PGGT1B: variants seen among roughly 807,000 people sequenced by gnomAD.
The protein encoded by PGGT1B is geranylgeranyl transferase type-1 subunit beta.
PGGT1B carries 30 observed loss-of-function variants against 46.1 expected under a neutral mutation model. That is an observed-to-expected ratio of 0.65 (90% CI 0.49 to 0.88). The LOEUF is 0.88. Ranked by LOEUF, PGGT1B falls within the 40% of genes least tolerant of loss-of-function variation. The pLI is 0.00. For synonymous variants in PGGT1B, 170 were observed against 160.0 expected, an observed-to-expected ratio of 1.06 and a Z score of -0.47; for missense variants, 376 against 455.9, an observed-to-expected ratio of 0.82 and a Z score of 1.60.
At chr5:115,262,213 A>G (rs1456303941) in intron 1 of PGGT1B, among the ~76,000 whole-genome samples, 1 of 151,966 alleles carries the variant, frequency 6.6e-6, no homozygotes, top group Non-Finnish European at 1.5e-5. Flanking sequence ...GCAACACCAC[A>G]CCTCTTTCGC....
chr5:115,262,870 T>G lies in PGGT1B; in HGVS notation c.-19A>C. On this transcript the variant is annotated 5_prime_UTR_variant, in exon 1 of 9. Transcript: ENST00000419445. ...CCGCCATGCTGCTCCGGAAGCGACG[T>G]CCGCCGCGACCCGGAATCAGTGCCC... The G allele has an allele frequency of 2.5e-6, 4 of 1,611,030 alleles. No individual in the cohort carries two copies. Among genetic ancestry groups the G allele is most frequent in the South Asian group, 1.1e-5 (1 of 90,950 alleles).
At position 115,204,329 on chromosome 5, in the gene PGGT1B, C is replaced by A. The variant is rs1756000242; in HGVS notation, c.*8073G>T. The A allele has an allele frequency of 6.6e-6, 1 of 152,156 alleles. No homozygotes were observed. Among genetic ancestry groups the A allele is most frequent in the Non-Finnish European group, 1.5e-5 (1 of 68,030 alleles). 9.4% of individuals were successfully genotyped at this position (152,156 alleles called of 1,614,324 possible). A position where few individuals can be genotyped will look rare whatever the true frequency, so the allele number is the denominator to read the frequency against. On this transcript the variant is annotated 3_prime_UTR_variant, in exon 9 of 9. Transcript: ENST00000419445. The stretch of plus-strand genomic sequence containing the variant: ...GAGGTCTAAGGTACCGCCAGAGAAT[C>A]TGCACTTTCTAACGAGTACCCAGGT...
At chr5:115,230,518 C>A (rs979189458) in intron 6 of PGGT1B, among the ~76,000 whole-genome samples, 1 of 152,088 alleles carries the variant, frequency 6.6e-6, no homozygotes, top group Non-Finnish European at 1.5e-5. Flanking sequence ...AATGTTTGCA[C>A]TGAATATAAG....
At chr5:115,243,357 T>G (rs957759459) in intron 2 of PGGT1B, among the ~76,000 whole-genome samples, 1 of 152,206 alleles carries the variant, frequency 6.6e-6, no homozygotes, top group Non-Finnish European at 1.5e-5. Context: ...AAAGAAACGC[T>G]ATATTCCTAT....
rs1299602640 is a variant in PGGT1B at position 115,244,466 on chromosome 5, CAAAAAAAAAAAA to C, written c.260-2872_260-2861del. On this transcript the variant is annotated intron_variant, in intron 2 of 8. Transcript: ENST00000419445. ...GGCAACAGAGCGAGACTCTGTCTCA[CAAAAAAAAAAAA>C]AAAAAAAAAAAAAGGATTCTACCTA... 2.2e-4 allele frequency among the ~76,000 whole-genome samples: 7 copies of C among 31,196 alleles called. 1 individual carries two copies. The highest frequency in any genetic ancestry group is 6.2e-4 in the Admixed American group (1 of 1,622). 20.5% of individuals were successfully genotyped at this position (31,196 alleles called of 152,430 possible).
Position 115,250,249 on chromosome 5 carries a change from T to A in PGGT1B, c.259+2888A>T, listed in dbSNP as rs183952766. Among the ~76,000 whole-genome samples, 538 of 152,276 alleles carry A rather than the reference T, an allele frequency of 3.5e-3. 4 individuals carry two copies. Among genetic ancestry groups the A allele is most frequent in the Non-Finnish European group, 6.4e-3 (435 of 68,010 alleles). On this transcript the variant is annotated intron_variant, in intron 2 of 8. Transcript: ENST00000419445. ...AGTAGGACAAATACAGACCTATGAGTTGCAGAAAGCATATTCTACCAGTTT... is the reference window on the plus strand; with the variant it reads ...AGTAGGACAAATACAGACCTATGAGATGCAGAAAGCATATTCTACCAGTTT...
At chr5:115,229,548 C>T (rs913845792) in intron 6 of PGGT1B, among the ~76,000 whole-genome samples, 1 of 152,082 alleles carries the variant, frequency 6.6e-6, no homozygotes, top group Non-Finnish European at 1.5e-5. Context: ...TGACAGGACC[C>T]ATTAGACAGT....
At position 115,212,436 on chromosome 5, in the gene PGGT1B, T is replaced by G. The variant is rs1163926243; in HGVS notation, c.1100A>C (p.Lys367Thr). The G allele has an allele frequency of 6.2e-7, 1 of 1,612,446 alleles. No individual in the cohort carries two copies. Among genetic ancestry groups the G allele is most frequent in the East Asian group, 2.2e-5 (1 of 44,834 alleles). ...GATATGTACATTCTCTGAGCATTGTTTAGAGTCCTTGGTTTTCCAGCTTTG... is the reference window on the plus strand; with the variant it reads ...GATATGTACATTCTCTGAGCATTGTGTAGAGTCCTTGGTTTTCCAGCTTTG... ...LHQSWKTKDSKQCSENVHIST is the reference protein window; with the variant it reads ...LHQSWKTKDSTQCSENVHIST The change falls in exon 9 of 9, where the codon AAA becomes ACA. Residue 367 changes from lysine (K) to threonine (T), a missense_variant. This residue lies in a region of PGGT1B where 222 missense variants were observed against 313.6 expected (regional missense o/e 0.71). Transcript: ENST00000419445.
intron 8 of PGGT1B, among the ~76,000 whole-genome samples, chr5:115,216,075 A>G (rs1157745960): frequency 6.6e-6 from 1 of 152,144 alleles, no homozygotes; most frequent in Non-Finnish European, 1.5e-5. Context: ...AATCTGTTGA[A>G]ATTTGGAGAA....
chr5:115,212,750 T>TA (rs370212734), intron 8 of PGGT1B, among the ~76,000 whole-genome samples, 167 bp from the exon 9 acceptor site: 2,107 of 148,494 alleles, frequency 0.014, 46 homozygotes, highest in African/African-American at 0.047. Context: ...AAACACCAAT[T>TA]AAAAAAAAAA....
chr5:115,219,559 C>T (rs1034032207), intron 7 of PGGT1B, among the ~76,000 whole-genome samples: 1 of 151,800 alleles, frequency 6.6e-6, no homozygotes, highest in African/African-American at 2.4e-5. Flanking sequence ...ATGGACATGA[C>T]ACCAATAACA....
At position 115,256,271 on chromosome 5, in the gene PGGT1B, C is replaced by T. The variant is rs142191619; in HGVS notation, c.141-3016G>A. ...TCCATACAACCAAGAATTATCTGGC[C>T]TAAAATGTTAATAGTGCTGAGGTTG... On this transcript the variant is annotated intron_variant, in intron 1 of 8. Coordinates refer to ENST00000419445, the MANE Select transcript of PGGT1B (RefSeq NM_005023.4). 1.4e-4 allele frequency among the ~76,000 whole-genome samples: 22 copies of T among 152,252 alleles called. No individual in the cohort carries two copies. In the East Asian group the frequency reaches 2.9e-3, roughly 20 times the overall value.
At chr5:115,260,260 T>C (rs77423040) in intron 1 of PGGT1B, among the ~76,000 whole-genome samples, 1 of 152,102 alleles carries the variant, frequency 6.6e-6, no homozygotes, top group Non-Finnish European at 1.5e-5. Flanking sequence ...AAAATAAGTG[T>C]CTAAATATCC....
chr5:115,244,300 C>T (rs1747705929), intron 2 of PGGT1B, among the ~76,000 whole-genome samples: 1 of 151,072 alleles, frequency 6.6e-6, no homozygotes, highest in Non-Finnish European at 1.5e-5. Flanking sequence ...CCCGTCTCTA[C>T]TAAAAATACA....
In PGGT1B at chr5:115,226,819, T is replaced by C. The variant is rs1320650297; in HGVS notation, c.658+4157A>G. ...ATTATGGGAATACAGAAAAGGGAAA[T>C]TTTGCTCAGAACTAAGGGGGACAAA... On this transcript the variant is annotated intron_variant, in intron 6 of 8. Coordinates refer to ENST00000419445, the MANE Select transcript of PGGT1B (RefSeq NM_005023.4). Among the ~76,000 whole-genome samples, 5 of 151,842 alleles carry C rather than the reference T, an allele frequency of 3.3e-5. No homozygotes were observed. In the East Asian group the frequency reaches 5.8e-4, roughly 18 times the overall value.
chr5:115,222,223 T>C (rs1168045075), intron 6 of PGGT1B, among the ~76,000 whole-genome samples: 1 of 152,110 alleles, frequency 6.6e-6, no homozygotes, highest in Non-Finnish European at 1.5e-5. Flanking sequence ...ATTTTACTTA[T>C]GAAAAAAAGT....
At chr5:115,246,870 A>G (rs985012535) in intron 2 of PGGT1B, among the ~76,000 whole-genome samples, 3 of 152,224 alleles carry the variant, frequency 2.0e-5, no homozygotes, top group African/African-American at 7.2e-5. Flanking sequence ...TTTAGATAGC[A>G]CTATATCATA....
In PGGT1B at chr5:115,210,817, T is replaced by C. The variant is rs970889089; in HGVS notation, c.*1585A>G. 1 of 152,054 alleles carries C rather than the reference T, an allele frequency of 6.6e-6. No homozygotes were observed. Among genetic ancestry groups the C allele is most frequent in the African/African-American group, 2.4e-5 (1 of 41,450 alleles). 9.4% of individuals were successfully genotyped at this position (152,054 alleles called of 1,614,324 possible). On this transcript the variant is annotated 3_prime_UTR_variant, in exon 9 of 9. Coordinates refer to ENST00000419445, the MANE Select transcript of PGGT1B (RefSeq NM_005023.4). ...AAATAGTAGCAACTGGAATAACCCA[T>C]AGACGGATAACATCTGTTATTAAGC... is the stretch of plus-strand genomic sequence containing the variant.
Position 115,236,378 on chromosome 5 carries a change from A to G in PGGT1B, c.612+12T>C. ...AACAACCTAAATAGTCAATTTTATC[A>G]ACAGAACTCACCATACTCCTTCTAA... On this transcript the variant is annotated intron_variant, in intron 5 of 8. Coordinates refer to ENST00000419445, the MANE Select transcript of PGGT1B (RefSeq NM_005023.4). 6.3e-7 allele frequency: 1 copy of G among 1,588,688 alleles called. No individual in the cohort carries two copies. The highest frequency in any genetic ancestry group is 1.4e-5 in the African/African-American group (1 of 73,436).
Sources: gnomAD v4.1 joint callset for allele counts (sites outside exome capture counted in the v4.1 genomes callset) on GRCh38, gnomAD v4.1.1 for gene constraint, gnomAD v4.1.1 regional missense constraint, MANE v1.5 for transcripts, NCBI Gene and HGNC (gene_info 2026-07-23, HGNC 2026-07-21) for gene names.